The following TUT7 variants were observed in gnomAD, a reference collection of about 807,000 sequenced individuals.
The protein encoded by TUT7 is terminal uridylyltransferase 7.
TUT7 carries 33 observed loss-of-function variants against 165.9 expected under a neutral mutation model. That is an observed-to-expected ratio of 0.20 (90% confidence interval 0.15 to 0.27). The LOEUF (loss-of-function observed/expected upper bound fraction) is 0.27. Ranked by LOEUF, TUT7 falls within the 10% of genes least tolerant of loss-of-function variation. TUT7 has a pLI of 1.00. For synonymous variants in TUT7, 552 were observed against 608.1 expected, an observed-to-expected ratio of 0.91 and a Z score of 1.36; for missense variants, 1,338 against 1,762.3, an observed-to-expected ratio of 0.76 and a Z score of 4.31.
chr9:86,340,043 T>C lies in TUT7; in HGVS notation c.1201A>G (p.Lys401Glu). 6.2e-7 allele frequency: 1 copy of C among 1,613,758 alleles called. No homozygotes were observed. The highest frequency in any genetic ancestry group is 8.5e-7 in the Non-Finnish European group (1 of 1,179,742). ...ARVPVVVCRE[K>E]QSGLLCKVSA... Reference sequence around the variant, plus strand: ...AGTTTAAAGAAATGAGACCTTTGCTTTTCTCTGCACACCACCACTGGCACC... The same window carrying C: ...AGTTTAAAGAAATGAGACCTTTGCTCTTCTCTGCACACCACCACTGGCACC... Residue 401 changes from lysine (K) to glutamate (E), a missense_variant, in exon 8 of 27, where the codon AAG becomes GAG. Lys to Glu is a moderately conservative substitution (Grantham distance 56). This residue lies in a region of TUT7 where 434 missense variants were observed against 480.8 expected (regional missense o/e 0.90). Transcript: ENST00000375963.
rs1826174249 is a variant in TUT7, at chr9:86,294,822, T to C, written c.4421-6078A>G. On this transcript the variant is annotated intron_variant, in intron 26 of 26. Transcript: ENST00000375963. ...TTGTTACATATGTATACATGTGCCA[T>C]GTTGGTGTGCTGCACCCATTAACTC... 2.0e-5 allele frequency among the ~76,000 whole-genome samples: 3 copies of C among 151,624 alleles called. No individual in the cohort carries two copies. In the South Asian group the frequency reaches 6.2e-4, roughly 31 times the overall value.
chr9:86,316,204 C>T (rs1441654450), intron 17 of TUT7, among the ~76,000 whole-genome samples: 2 of 152,142 alleles, frequency 1.3e-5, no homozygotes, highest in Admixed American at 6.5e-5. Context: ...CAAAAGGATA[C>T]GTTAACAGCA....
At position 86,313,126 on chromosome 9, in the gene TUT7, TAATAAATAAATA is replaced by T. The variant is rs111966143; in HGVS notation, c.3275-2329_3275-2318del. 1.5e-3 allele frequency among the ~76,000 whole-genome samples: 218 copies of T among 142,604 alleles called. 2 individuals carry two copies. The South Asian group carries it at 0.02, about 13-fold the overall frequency. 93.6% of individuals were successfully genotyped at this position (142,604 alleles called of 152,430 possible). ...GCGAGAAACACCCAAGAATGATCAA[TAATAAATAAATA>T]AATAAATAAATAAATAAATAAATAA... On this transcript the variant is annotated intron_variant, in intron 17 of 26. Transcript: ENST00000375963.
intron 17 of TUT7, among the ~76,000 whole-genome samples, chr9:86,312,706 T>A (rs1296222463): frequency 6.6e-6 from 1 of 152,150 alleles, no homozygotes; most frequent in East Asian, 1.9e-4. Flanking sequence ...AGAAATCGGA[T>A]GGTTGCCGTG....
chr9:86,303,448 T>TA (rs957652274), intron 24 of TUT7, among the ~76,000 whole-genome samples: 30 of 152,162 alleles, frequency 2.0e-4, no homozygotes, highest in Non-Finnish European at 2.9e-4. Context: ...GCCCTAACCC[T>TA]AAAGGTTTAA....
chr9:86,343,647 AAT>A (rs1831505431), intron 5 of TUT7, among the ~76,000 whole-genome samples: 1 of 152,180 alleles, frequency 6.6e-6, no homozygotes, highest in Non-Finnish European at 1.5e-5. Context: ...GTAAAACAAT[AAT>A]AAAAATAATC....
chr9:86,313,923 C>G (rs920454951), intron 17 of TUT7, among the ~76,000 whole-genome samples: 1 of 152,140 alleles, frequency 6.6e-6, no homozygotes, highest in Non-Finnish European at 1.5e-5. Context: ...AGGAAAAAAT[C>G]TGTGTGGCAG....
At chr9:86,324,036 T>C in intron 12 of TUT7, 76 bp from the exon 13 acceptor site, 1 of 1,222,098 alleles carries the variant, frequency 8.2e-7, no homozygotes, top group Admixed American at 3.3e-5. Flanking sequence ...AAAATTAGCC[T>C]GCTGCAGATA....
intron 10 of TUT7, among the ~76,000 whole-genome samples, chr9:86,334,281 C>G (rs1033724568): frequency 6.6e-6 from 1 of 152,142 alleles, no homozygotes; most frequent in African/African-American, 2.4e-5. Flanking sequence ...TCTCATCCTG[C>G]CAGAAGCACT....
rs1322150245 is a variant in TUT7 at position 86,353,095 on chromosome 9, T to C, written c.105A>G (p.Ile35Met). ...CATGGCCTTTAGCATGGTCATCTATTATTAAATAATCTTGTTGGGGGTGAC... is the reference window on the plus strand; with the variant it reads ...CATGGCCTTTAGCATGGTCATCTATCATTAAATAATCTTGTTGGGGGTGAC... ...RRGHPQQDYL[I>M]IDDHAKGHGS... Residue 35 changes from isoleucine (I) to methionine (M), a missense_variant, in exon 2 of 27, where the codon ATA (isoleucine) becomes ATG (methionine). Around this residue, in one of 7 missense-constraint regions of TUT7, gnomAD observed 434 missense variants for 480.8 expected, o/e 0.90. Transcript: ENST00000375963. The C allele has an allele frequency of 6.2e-7, 1 of 1,613,926 alleles. No individual in the cohort carries two copies. The highest frequency in any genetic ancestry group is 8.5e-7 in the Non-Finnish European group (1 of 1,180,012).
intron 10 of TUT7, among the ~76,000 whole-genome samples, chr9:86,329,484 T>C (rs925551016): frequency 6.0e-5 from 9 of 150,628 alleles, no homozygotes; most frequent in African/African-American, 9.8e-5. Flanking sequence ...GATGGTGCCA[T>C]TGCACTCCAG....
At chr9:86,344,721 C>A in intron 5 of TUT7, 3 of 442,060 alleles carry the variant, frequency 6.8e-6, no homozygotes, top group Non-Finnish European at 1.2e-5. Flanking sequence ...CACAGTGCCC[C>A]AATAATGCAG....
At chr9:86,329,501 CA>C (rs1830106850) in intron 10 of TUT7, among the ~76,000 whole-genome samples, 2 of 142,484 alleles carry the variant, frequency 1.4e-5, no homozygotes, top group Admixed American at 1.4e-4. Context: ...CCAGCCTGGG[CA>C]ACAAGAGCGA....
chr9:86,322,516 AT>A, intron 13 of TUT7, 41 bp from the exon 14 acceptor site: 1 of 1,575,080 alleles, frequency 6.3e-7, no homozygotes, highest in Non-Finnish European at 8.6e-7. Context: ...TTAACACTTT[AT>A]TTGCCAAATA....
At chr9:86,321,612 C>T (rs897514683) in intron 14 of TUT7, among the ~76,000 whole-genome samples, 2 of 152,018 alleles carry the variant, frequency 1.3e-5, no homozygotes, top group East Asian at 1.9e-4. Flanking sequence ...GCCTGTAATA[C>T]CAGCTACTTG....
At chr9:86,290,180 T>G (rs1825800100) in intron 26 of TUT7, among the ~76,000 whole-genome samples, 1 of 152,202 alleles carries the variant, frequency 6.6e-6, no homozygotes, top group African/African-American at 2.4e-5. Context: ...AAATGTTAAC[T>G]ATTATTGTAT....
chr9:86,317,311 AC>A, intron 16 of TUT7, 35 bp from the exon 17 acceptor site: 1 of 1,567,134 alleles, frequency 6.4e-7, no homozygotes. Flanking sequence ...CTTAACCAAA[AC>A]TGGAAGACAG....
rs779817903 is a variant in TUT7, at chr9:86,325,339, A to G, written c.1784T>C (p.Ile595Thr). 6.2e-7 allele frequency: 1 copy of G among 1,613,804 alleles called. No individual in the cohort carries two copies. Among genetic ancestry groups the G allele is most frequent in the Non-Finnish European group, 8.5e-7 (1 of 1,179,790 alleles). ...AGATAAACATTTTGAGATACCTTCA[A>G]TGGCAATGCGCTTTTTGGGCCAATC... ...LKDWPKKRIA[I>T]EDPYSVKRNV... The change falls in exon 12 of 27, where the codon ATT becomes ACT. Residue 595 changes from isoleucine to threonine, a missense_variant. By Grantham distance (89) the Ile-to-Thr change is moderately conservative. Around this residue, in one of 7 missense-constraint regions of TUT7, gnomAD observed 28 missense variants for 69.4 expected, o/e 0.40. Coordinates refer to ENST00000375963, the MANE Select transcript of TUT7 (RefSeq NM_024617.4).
intron 10 of TUT7, among the ~76,000 whole-genome samples, chr9:86,330,196 T>A (rs1012067378): frequency 6.6e-6 from 1 of 152,198 alleles, no homozygotes; most frequent in Non-Finnish European, 1.5e-5. Flanking sequence ...TAGCTGGGAT[T>A]ACAGGCGCCT....
Sources: gnomAD v4.1 joint callset for allele counts (sites outside exome capture counted in the v4.1 genomes callset) on GRCh38, gnomAD v4.1.1 for gene constraint, gnomAD v4.1.1 regional missense constraint, MANE v1.5 for transcripts, NCBI Gene and HGNC (gene_info 2026-07-23, HGNC 2026-07-21) for gene names.